Variants in CDC27 observed in about 807,000 individuals in gnomAD.
CDC27 encodes cell division cycle 27, also known as cell division cycle protein 27 homolog.
A neutral mutation model predicts 109.7 loss-of-function variants in CDC27; 27 were observed. That is an observed-to-expected ratio of 0.25 (90% CI 0.18 to 0.34). The LOEUF is 0.34. Ranked by LOEUF, CDC27 falls within the 10% of genes least tolerant of loss-of-function variation. The pLI, the probability that CDC27 is intolerant of heterozygous loss-of-function variation, is 1.00. For missense variants in CDC27, 579 were observed against 960.2 expected, an observed-to-expected ratio of 0.60 and a Z score of 5.25; for synonymous variants, 266 against 333.9, an observed-to-expected ratio of 0.80 and a Z score of 2.22.
In CDC27 at chr17:47,158,316, A is replaced by G. The variant is rs2063382523; in HGVS notation, c.378-13T>C. The G allele has an allele frequency of 1.4e-6, 2 of 1,408,256 alleles. No homozygotes were observed. Among genetic ancestry groups the G allele is most frequent in the African/African-American group, 1.5e-5 (1 of 67,598 alleles). The allele number at this position is 1,408,256 out of a possible 1,614,324, so 87.2% of individuals were successfully genotyped here. On this transcript the variant is annotated splice_polypyrimidine_tract_variant and intron_variant, in intron 4 of 18. Coordinates refer to ENST00000066544, the MANE Select transcript of CDC27 (RefSeq NM_001256.6). ...CCGATCTGTCTTGCTGTGGAGAGAA[A>G]CAAGTAGATTAAATAAGCTACAAAC... is the stretch of plus-strand genomic sequence containing the variant.
At position 47,189,259 on chromosome 17, in the gene CDC27, A is replaced by G. The variant is rs892510123; in HGVS notation, c.-87T>C. On this transcript the variant is annotated 5_prime_UTR_variant, in exon 1 of 19. Coordinates refer to ENST00000066544, the MANE Select transcript of CDC27 (RefSeq NM_001256.6). ...GGCCAGCCCCTGCTCATTTAAACTC[A>G]CCAGCGACCGTTACCGGGGGATGGG... is the stretch of plus-strand genomic sequence containing the variant. The G allele has an allele frequency of 9.7e-7, 1 of 1,026,888 alleles. No homozygotes were observed. Among genetic ancestry groups the G allele is most frequent in the Non-Finnish European group, 1.5e-6 (1 of 653,578 alleles). 63.6% of individuals were successfully genotyped at this position (1,026,888 alleles called of 1,614,324 possible).
At chr17:47,173,255 T>TGG (rs1324083646) in intron 2 of CDC27, among the ~76,000 whole-genome samples, 2 of 152,190 alleles carry the variant, frequency 1.3e-5, no homozygotes, top group Non-Finnish European at 2.9e-5. Context: ...CCTTCTTCTC[T>TGG]GGTCCATCTT....
At chr17:47,181,892 T>C (rs2064255242) in intron 1 of CDC27, among the ~76,000 whole-genome samples, 2 of 152,332 alleles carry the variant, frequency 1.3e-5, no homozygotes, top group Admixed American at 6.5e-5. Flanking sequence ...TTTTCCTCCA[T>C]TGGGCAATGT....
At position 47,123,402 on chromosome 17, in the gene CDC27, C is replaced by CT. The variant is rs57868315; in HGVS notation, c.2235+483dup. Among the ~76,000 whole-genome samples, 223 of 122,992 alleles carry CT rather than the reference C, an allele frequency of 1.8e-3. 2 individuals are homozygous for CT. In the Middle Eastern group the frequency reaches 0.031, roughly 17 times the overall value. 80.7% of individuals were successfully genotyped at this position (122,992 alleles called of 152,430 possible). On this transcript the variant is annotated intron_variant, in intron 17 of 18. Coordinates refer to ENST00000066544, the MANE Select transcript of CDC27 (RefSeq NM_001256.6). The stretch of plus-strand genomic sequence containing the variant: ...TCATGTTCTTCTACTTTTTTTTCTA[C>CT]TTTTTTTTTTTTTTTTTTTTCTTTC...
chr17:47,169,368 G>A (rs574557904), intron 4 of CDC27, among the ~76,000 whole-genome samples: 19 of 152,128 alleles, frequency 1.2e-4, no homozygotes, highest in African/African-American at 2.7e-4. Flanking sequence ...ACATGGGGCC[G>A]GGTACGGTGG....
At chr17:47,175,011 GAA>G (rs1431306183) in intron 2 of CDC27, among the ~76,000 whole-genome samples, 3 of 143,088 alleles carry the variant, frequency 2.1e-5, no homozygotes, top group Non-Finnish European at 3.1e-5. Flanking sequence ...AGGAGAGAGA[GAA>G]AGAAAGAAAG....
At chr17:47,166,431 T>C (rs2063649507) in intron 4 of CDC27, among the ~76,000 whole-genome samples, 2 of 151,966 alleles carry the variant, frequency 1.3e-5, no homozygotes, top group South Asian at 2.1e-4. Context: ...ATCCTTTCAC[T>C]GTCCTCAGGG....
At position 47,137,198 on chromosome 17, in the gene CDC27, A is replaced by C; in HGVS notation, c.1867T>G (p.Cys623Gly). 3.1e-6 allele frequency: 5 copies of C among 1,610,692 alleles called. No individual in the cohort carries two copies. The highest frequency in any genetic ancestry group is 4.2e-6 in the Non-Finnish European group (5 of 1,179,006). ...LTEELDKALA[C>G]FRNAIRVNPR... The stretch of plus-strand genomic sequence containing the variant: ...TTGACTCTGATAGCATTTCGAAAAC[A>C]AGCTAATGCTTTGTCCAATTCTTCA... The change falls in exon 14 of 19, where the codon TGT becomes GGT. Residue 623 changes from cysteine to glycine, a missense_variant. Cys to Gly is a radical substitution (Grantham distance 159). Around this residue, in one of 9 missense-constraint regions of CDC27, gnomAD observed 227 missense variants for 363.6 expected, o/e 0.62. Coordinates refer to ENST00000066544, the MANE Select transcript of CDC27 (RefSeq NM_001256.6).
intron 3 of CDC27, among the ~76,000 whole-genome samples, chr17:47,171,469 C>G (rs1477129666): frequency 6.6e-6 from 1 of 152,188 alleles, no homozygotes; most frequent in Non-Finnish European, 1.5e-5. Flanking sequence ...CTCTAAATGC[C>G]TCCAAATTTG....
intron 9 of CDC27, among the ~76,000 whole-genome samples, chr17:47,147,431 A>ACAAACAAACAAAC (rs71138590): frequency 4.2e-4 from 61 of 144,156 alleles, no homozygotes; most frequent in Non-Finnish European, 7.7e-4. Flanking sequence ...AAACAAACAA[A>ACAAACAAACAAAC]AAAAAAAACA....
chr17:47,148,132 G>A (rs1254920391), intron 9 of CDC27, among the ~76,000 whole-genome samples: 7 of 151,048 alleles, frequency 4.6e-5, no homozygotes, highest in East Asian at 1.9e-4. Flanking sequence ...CAGGAGGGGC[G>A]GAGGGTGCAG....
intron 2 of CDC27, among the ~76,000 whole-genome samples, chr17:47,174,485 A>C (rs2063919537): frequency 1.3e-5 from 2 of 152,212 alleles, no homozygotes; most frequent in Non-Finnish European, 2.9e-5. Flanking sequence ...TTACAGACTT[A>C]ATTAAAATAT....
chr17:47,150,105 G>A (rs1346865201), intron 9 of CDC27, among the ~76,000 whole-genome samples: 3 of 152,226 alleles, frequency 2.0e-5, no homozygotes, highest in South Asian at 4.2e-4. Context: ...ACTAAGAGAG[G>A]AGCACGAAAG....
chr17:47,161,492 T>C (rs2063496440), intron 4 of CDC27, among the ~76,000 whole-genome samples: 1 of 152,200 alleles, frequency 6.6e-6, no homozygotes, highest in Admixed American at 6.5e-5. Flanking sequence ...GGCTCATGCC[T>C]GTAATCTCAG....
intron 4 of CDC27, among the ~76,000 whole-genome samples, chr17:47,158,918 C>A (rs1035805863): frequency 2.6e-5 from 4 of 152,056 alleles, no homozygotes; most frequent in Non-Finnish European, 4.4e-5. Context: ...CCGCACCTGG[C>A]CTTTTTGTAT....
At chr17:47,181,682 T>C (rs1414735599) in intron 1 of CDC27, 45 bp from the exon 2 acceptor site, 2 of 1,087,604 alleles carry the variant, frequency 1.8e-6, no homozygotes, top group East Asian at 4.9e-5. Flanking sequence ...ACATACAGAC[T>C]TTCAAGGTAA....
At position 47,133,030 on chromosome 17, in the gene CDC27, C is replaced by CATAT. The variant is rs1434986977; in HGVS notation, c.1914-657_1914-656insATAT. 3.4e-4 allele frequency among the ~76,000 whole-genome samples: 10 copies of CATAT among 29,418 alleles called. No individual in the cohort carries two copies. In the East Asian group the frequency reaches 0.015, roughly 44 times the overall value. 19.3% of individuals were successfully genotyped at this position (29,418 alleles called of 152,430 possible). On this transcript the variant is annotated intron_variant, in intron 14 of 18. Coordinates refer to ENST00000066544, the MANE Select transcript of CDC27 (RefSeq NM_001256.6). ...ATATATATATATATATATATATATA[C>CATAT]ACACACACACACACACACACACACA...
At chr17:47,188,880 G>C in intron 1 of CDC27, 1 of 1,378,804 alleles carries the variant, frequency 7.3e-7, no homozygotes, top group Non-Finnish European at 9.4e-7. Context: ...GACAGGAAAG[G>C]CTGGCCGGAC....
intron 7 of CDC27, among the ~76,000 whole-genome samples, chr17:47,155,962 AAGGT>A (rs994154680): frequency 6.6e-6 from 1 of 152,178 alleles, no homozygotes; most frequent in Non-Finnish European, 1.5e-5. Context: ...CAAACAAAAA[AAGGT>A]AGGTGTCAAA....
Sources: gnomAD v4.1 joint callset for allele counts (sites outside exome capture counted in the v4.1 genomes callset) on GRCh38, gnomAD v4.1.1 for gene constraint, gnomAD v4.1.1 regional missense constraint, MANE v1.5 for transcripts, NCBI Gene and HGNC (gene_info 2026-07-23, HGNC 2026-07-21) for gene names.